DGKI: variants seen among roughly 807,000 people sequenced by gnomAD.
The protein encoded by DGKI is DAG kinase iota.
DGKI carries 55 observed loss-of-function variants against 147.5 expected under a neutral mutation model. The observed-to-expected ratio is 0.37, with a 90% CI of 0.30 to 0.47. The LOEUF is 0.47. DGKI is among the 20% of genes least tolerant of loss of function. The pLI is 1.00. For synonymous variants in DGKI, 469 were observed against 477.1 expected, an observed-to-expected ratio of 0.98 and a Z score of 0.22; for missense variants, 1,007 against 1,323.8, an observed-to-expected ratio of 0.76 and a Z score of 3.71.
chr7:137,669,921 A>T (rs955303226), intron 3 of DGKI, among the ~76,000 whole-genome samples: 14 of 152,260 alleles, frequency 9.2e-5, no homozygotes, highest in African/African-American at 2.9e-4. Flanking sequence ...GCATTTCTCA[A>T]ATACTTTTCC....
chr7:137,591,666 G>A (rs1301754444), intron 12 of DGKI, among the ~76,000 whole-genome samples: 2 of 152,198 alleles, frequency 1.3e-5, no homozygotes, highest in African/African-American at 4.8e-5. Flanking sequence ...TACAGCAAGA[G>A]TAATAATAAT....
At chr7:137,610,847 A>G (rs1261008282) in intron 8 of DGKI, among the ~76,000 whole-genome samples, 1 of 152,226 alleles carries the variant, frequency 6.6e-6, no homozygotes, top group Admixed American at 6.5e-5. Context: ...AAAAAAAATA[A>G]GTTGATACAT....
chr7:137,538,063 A>T (rs1817577004), intron 20 of DGKI, among the ~76,000 whole-genome samples: 1 of 152,206 alleles, frequency 6.6e-6, no homozygotes, highest in Admixed American at 6.5e-5. Flanking sequence ...TTTTGATGTG[A>T]CTAGTTGTAG....
intron 11 of DGKI, among the ~76,000 whole-genome samples, chr7:137,598,497 C>T (rs1484028523): frequency 6.6e-6 from 1 of 152,164 alleles, no homozygotes; most frequent in Admixed American, 6.5e-5. Context: ...CCACTTACAC[C>T]TCCAACCCAA....
intron 14 of DGKI, among the ~76,000 whole-genome samples, chr7:137,584,651 A>G (rs974028286): frequency 6.6e-6 from 1 of 152,214 alleles, no homozygotes; most frequent in Non-Finnish European, 1.5e-5. Flanking sequence ...ATCATATAAT[A>G]TATCCATGAA....
At chr7:137,567,074 G>C (rs1406165267) in intron 19 of DGKI, among the ~76,000 whole-genome samples, 1 of 138,778 alleles carries the variant, frequency 7.2e-6, no homozygotes, top group Non-Finnish European at 1.5e-5. Flanking sequence ...AGACCAGCCT[G>C]ACCAACATGG....
In DGKI at chr7:137,739,642, C is replaced by T. The variant is rs1027154188; in HGVS notation, c.402-49640G>A. Among the ~76,000 whole-genome samples, 8 of 152,146 alleles carry T rather than the reference C, an allele frequency of 5.3e-5. 1 individual carries two copies. Among genetic ancestry groups the T allele is most frequent in the Admixed American group, 2.6e-4 (4 of 15,268 alleles). Reference sequence around the variant, plus strand: ...GAACAAAACTCATTTGCCCTGCACACAACATAGTCAGAATGGCCAATGACA... The same window carrying T: ...GAACAAAACTCATTTGCCCTGCACATAACATAGTCAGAATGGCCAATGACA... On this transcript the variant is annotated intron_variant, in intron 1 of 32. Transcript: ENST00000614521.
chr7:137,414,113 C>A (rs148849485), intron 28 of DGKI, among the ~76,000 whole-genome samples: 1 of 152,082 alleles, frequency 6.6e-6, no homozygotes, highest in South Asian at 2.1e-4. Context: ...TACATAGAGT[C>A]CCCAGCTGTC....
chr7:137,600,120 C>G (rs1180992931), intron 10 of DGKI, among the ~76,000 whole-genome samples: 1 of 151,982 alleles, frequency 6.6e-6, no homozygotes, highest in Non-Finnish European at 1.5e-5. Context: ...CCCGTCTCTA[C>G]AAAAAATACA....
At position 137,701,658 on chromosome 7, in the gene DGKI, C is replaced by T. The variant is rs571955057; in HGVS notation, c.402-11656G>A. On this transcript the variant is annotated intron_variant, in intron 1 of 32. Transcript: ENST00000614521. ...AATAAAATATTTGTAAGACCTTACA[C>T]TGAAAACTATAAAACATCACTGATA... is the stretch of plus-strand genomic sequence containing the variant. Among the ~76,000 whole-genome samples the T allele has an allele frequency of 4.6e-5, 7 of 152,148 alleles. No homozygotes were observed. The South Asian group carries it at 1.5e-3, about 32-fold the overall frequency.
intron 20 of DGKI, among the ~76,000 whole-genome samples, chr7:137,536,444 A>G (rs1250119345): frequency 2.0e-5 from 3 of 152,168 alleles, no homozygotes; most frequent in Admixed American, 6.6e-5. Context: ...ATGCTTACCA[A>G]TGAAGAACAG....
intron 12 of DGKI, among the ~76,000 whole-genome samples, chr7:137,590,661 G>A (rs1431095180): frequency 6.6e-6 from 1 of 152,106 alleles, no homozygotes; most frequent in South Asian, 2.1e-4. Context: ...AGTACGTGAC[G>A]TATCCCACAA....
Position 137,617,366 on chromosome 7 carries a change from G to A in DGKI, c.993+2458C>T, listed in dbSNP as rs142867723. Among the ~76,000 whole-genome samples, 16 of 152,058 alleles carry A rather than the reference G, an allele frequency of 1.1e-4. No individual in the cohort carries two copies. The East Asian group carries it at 2.7e-3, about 26-fold the overall frequency. ...ATACTAAGGGAAGCTTAAGAACTAC[G>A]TCAACAAAAGGCAGTTGTGAACTTT... On this transcript the variant is annotated intron_variant, in intron 8 of 32. Transcript: ENST00000614521.
At chr7:137,489,929 A>G (rs1176714028) in intron 21 of DGKI, among the ~76,000 whole-genome samples, 2 of 152,188 alleles carry the variant, frequency 1.3e-5, no homozygotes, top group African/African-American at 4.8e-5. Context: ...TTAAACTACA[A>G]TTAGAGATTG....
At chr7:137,578,859 GTTTGA>G (rs756175726) in intron 15 of DGKI, among the ~76,000 whole-genome samples, 1 of 152,160 alleles carries the variant, frequency 6.6e-6, no homozygotes, top group South Asian at 2.1e-4. Flanking sequence ...ATGTTTTTGA[GTTTGA>G]TTTGTGTTTG....
At chr7:137,559,371 T>C (rs28572065) in intron 19 of DGKI, among the ~76,000 whole-genome samples, 5,158 of 152,194 alleles carry the variant, frequency 0.034, 150 homozygotes, top group African/African-American at 0.074. Flanking sequence ...GCGCCTGGCC[T>C]TGTACCTACA....
At chr7:137,505,919 C>T (rs1816350989) in intron 21 of DGKI, among the ~76,000 whole-genome samples, 2 of 151,784 alleles carry the variant, frequency 1.3e-5, no homozygotes, top group African/African-American at 4.9e-5. Context: ...CCACTACACA[C>T]CTAATAGAAT....
intron 10 of DGKI, among the ~76,000 whole-genome samples, chr7:137,600,212 G>A (rs1004784662): frequency 6.6e-6 from 1 of 152,068 alleles, no homozygotes; most frequent in African/African-American, 2.4e-5. Context: ...TCACACCATT[G>A]CACTCCAGCC....
intron 17 of DGKI, 127 bp downstream of exon 17, chr7:137,577,095 A>T (rs1819009064): frequency 1.4e-6 from 1 of 713,436 alleles, no homozygotes; most frequent in Admixed American, 2.5e-5. Context: ...GGTTGAATGA[A>T]CTACACAAAA....
Sources: gnomAD v4.1 joint callset for allele counts (sites outside exome capture counted in the v4.1 genomes callset) on GRCh38, gnomAD v4.1.1 for gene constraint, MANE v1.5 for transcripts, NCBI Gene and HGNC (gene_info 2026-07-23, HGNC 2026-07-21) for gene names.